Variants in CFAP95 observed in about 807,000 individuals in gnomAD.
CFAP95 encodes cilia- and flagella-associated protein 95.
the CFAP95 span, among the ~76,000 whole-genome samples, chr9:69,823,967 C>G: frequency 7.4e-4 from 113 of 152,174 alleles, no homozygotes; most frequent in African/African-American, 2.6e-3. Context: ...CAGGAACTGG[C>G]CATCTAGATG....
At chr9:69,865,283 C>T in the CFAP95 span, among the ~76,000 whole-genome samples, 2 of 152,224 alleles carry the variant, frequency 1.3e-5, no homozygotes, top group African/African-American at 4.8e-5. Context: ...TACCCATTCT[C>T]GGACAGTTCT....
At chr9:69,883,187 G>T in the CFAP95 span, among the ~76,000 whole-genome samples, 2 of 152,152 alleles carry the variant, frequency 1.3e-5, no homozygotes, top group East Asian at 1.9e-4. Flanking sequence ...TCAAAGACAG[G>T]TTTATTTTGG....
At chr9:69,843,136 A>G in the CFAP95 span, among the ~76,000 whole-genome samples, 1 of 152,160 alleles carries the variant, frequency 6.6e-6, no homozygotes, top group Admixed American at 6.6e-5. Flanking sequence ...AACTGAAGGC[A>G]GGGACTCCAT....
the CFAP95 span, among the ~76,000 whole-genome samples, chr9:69,885,398 A>G: frequency 3.2e-3 from 494 of 152,260 alleles, 5 homozygotes; most frequent in African/African-American, 0.011. Flanking sequence ...CTCTGGATTG[A>G]TAGCTGAGGT....
the CFAP95 span, among the ~76,000 whole-genome samples, chr9:69,825,119 G>C: frequency 6.6e-6 from 1 of 152,072 alleles, no homozygotes; most frequent in Non-Finnish European, 1.5e-5. Flanking sequence ...TTTTATGATA[G>C]ATTAAATTTT....
At chr9:69,890,089 C>T in the CFAP95 span, among the ~76,000 whole-genome samples, 1 of 152,056 alleles carries the variant, frequency 6.6e-6, no homozygotes, top group South Asian at 2.1e-4. Context: ...AGAAACATAT[C>T]ATTTTAAAAT....
chr9:69,872,082 G>C, the CFAP95 span, among the ~76,000 whole-genome samples: 3 of 152,152 alleles, frequency 2.0e-5, no homozygotes, highest in Admixed American at 2.0e-4. Context: ...CTTTCCAAAA[G>C]TTTTTCATCC....
At chr9:69,876,682 T>C in the CFAP95 span, among the ~76,000 whole-genome samples, 3 of 152,222 alleles carry the variant, frequency 2.0e-5, no homozygotes, top group Non-Finnish European at 4.4e-5. Flanking sequence ...TCTCCCAGGC[T>C]AGAGTGCAAT....
the CFAP95 span, among the ~76,000 whole-genome samples, chr9:69,848,736 C>G: frequency 6.6e-6 from 1 of 152,096 alleles, no homozygotes; most frequent in African/African-American, 2.4e-5. Context: ...TGGGCCAGGC[C>G]GAAGCAGCCC....
chr9:69,864,851 C>T, the CFAP95 span, among the ~76,000 whole-genome samples: 2 of 152,138 alleles, frequency 1.3e-5, no homozygotes, highest in African/African-American at 4.8e-5. Flanking sequence ...TTGTTTTCTA[C>T]TTATGCATTT....
the CFAP95 span, among the ~76,000 whole-genome samples, chr9:69,874,923 G>A: frequency 6.6e-6 from 1 of 152,198 alleles, no homozygotes; most frequent in Non-Finnish European, 1.5e-5. Flanking sequence ...ATGTAGTCCA[G>A]CTCTGCTTCC....
chr9:69,880,805 A>C, the CFAP95 span, among the ~76,000 whole-genome samples: 1 of 152,198 alleles, frequency 6.6e-6, no homozygotes, highest in East Asian at 1.9e-4. Flanking sequence ...TTTTCTCCAC[A>C]TCCTCACCAG....
At chr9:69,899,708 T>G in the CFAP95 span, among the ~76,000 whole-genome samples, 1 of 152,226 alleles carries the variant, frequency 6.6e-6, no homozygotes, top group South Asian at 2.1e-4. Context: ...CCTGTTTCCT[T>G]CTGGGAGTCT....
chr9:69,892,713 GC>G, the CFAP95 span, among the ~76,000 whole-genome samples: 1 of 152,076 alleles, frequency 6.6e-6, no homozygotes, highest in Non-Finnish European at 1.5e-5. Context: ...AAAATCCTAG[GC>G]CTCACCAGCA....
the CFAP95 span, among the ~76,000 whole-genome samples, chr9:69,845,618 T>C: frequency 3.3e-5 from 5 of 152,122 alleles, no homozygotes; most frequent in Non-Finnish European, 5.9e-5. Flanking sequence ...CCTCTTATAG[T>C]TGCAGTGGAC....
the CFAP95 span, among the ~76,000 whole-genome samples, chr9:69,850,519 G>A: frequency 1.7e-4 from 26 of 152,088 alleles, no homozygotes; most frequent in East Asian, 1.3e-3. Context: ...GGATACAAAC[G>A]ATATAATTAT....
At chr9:69,844,614 G>T in the CFAP95 span, 2 of 1,609,570 alleles carry the variant, frequency 1.2e-6, no homozygotes, top group Non-Finnish European at 8.5e-7. Flanking sequence ...ACTGGGAACC[G>T]ATGAATCCCC....
At chr9:69,843,540 CTCCTCCTCCTCCTCCTCCT>C in the CFAP95 span, among the ~76,000 whole-genome samples, 2 of 31,540 alleles carry the variant, frequency 6.3e-5, no homozygotes, top group Admixed American at 7.3e-4. Context: ...CCTCCTCCTC[CTCCTCCTCCTCCTCCTCCT>C]TCTTCTTCTT....
the CFAP95 span, among the ~76,000 whole-genome samples, chr9:69,850,959 A>G: frequency 1.3e-5 from 2 of 152,136 alleles, no homozygotes; most frequent in African/African-American, 2.4e-5. Context: ...CTCTGAGTCT[A>G]TTTATTCTAG....
Sources: gnomAD v4.1 joint callset for allele counts (sites outside exome capture counted in the v4.1 genomes callset) on GRCh38, gnomAD v4.1.1 for gene constraint, MANE v1.5 for transcripts, NCBI Gene and HGNC (gene_info 2026-07-23, HGNC 2026-07-21) for gene names.